ADGRG2: variants seen among roughly 807,000 people sequenced by gnomAD.
ADGRG2 encodes the protein G protein-coupled receptor 64.
A neutral mutation model predicts 74.1 loss-of-function variants in ADGRG2; 26 were observed. The ratio of observed to expected loss-of-function variants is 0.35; its 90% CI spans 0.26 to 0.49. ADGRG2 has a LOEUF of 0.49. ADGRG2 is among the 20% of genes least tolerant of loss of function. The pLI is 0.99. For synonymous variants in ADGRG2, 296 were observed against 295.2 expected, an observed-to-expected ratio of 1.00 and a Z score of -0.03; for missense variants, 619 against 763.1, an observed-to-expected ratio of 0.81 and a Z score of 2.22.
intron 1 of ADGRG2, among the ~76,000 whole-genome samples, chrX:19,118,957 A>G (rs978263542): frequency 8.9e-6 from 1 of 112,058 alleles, no homozygotes; most frequent in Non-Finnish European, 1.9e-5. Context: ...TACAGAATAC[A>G]TAAGTTCTTT....
chrX:19,038,219 C>A lies in ADGRG2; in HGVS notation c.155-583G>T, dbSNP rs139684995. On this transcript the variant is annotated intron_variant, in intron 4 of 28. Transcript: ENST00000379869. ...CTTAAGCTAAGAAGTCAATCTACTA[C>A]ACACATTTTGCATATTTAAATATTT... Among the ~76,000 whole-genome samples the A allele has an allele frequency of 5.9e-3, 668 of 112,639 alleles. 7 individuals are homozygous for A. The highest frequency in any genetic ancestry group is 0.02 in the African/African-American group (626 of 31,093).
At chrX:19,101,102 T>TGTGTGC (rs1491167265) in intron 1 of ADGRG2, among the ~76,000 whole-genome samples, 1 of 37,268 alleles carries the variant, frequency 2.7e-5, no homozygotes, top group African/African-American at 4.7e-4. Context: ...ATCATGAGAT[T>TGTGTGC]GTGTGTGTGT....
chrX:19,064,599 C>T (rs1158053645), intron 3 of ADGRG2, among the ~76,000 whole-genome samples: 2 of 112,451 alleles, frequency 1.8e-5, no homozygotes, highest in Middle Eastern at 4.6e-3. Context: ...TATGAACCAC[C>T]TGGGTGATCC....
chrX:19,114,688 G>A (rs2062479442), intron 1 of ADGRG2, among the ~76,000 whole-genome samples: 1 of 111,463 alleles, frequency 9.0e-6, no homozygotes, highest in Non-Finnish European at 1.9e-5. Context: ...AATGTCTCTT[G>A]ACATTGTCAA....
At chrX:19,007,454 C>A in intron 19 of ADGRG2, 97 bp from the exon 20 acceptor site, 2 of 805,905 alleles carry the variant, frequency 2.5e-6, no homozygotes, top group South Asian at 2.5e-5. Context: ...GTTTATCTTA[C>A]AATATAGGTC....
intron 23 of ADGRG2, 112 bp from the exon 24 acceptor site, chrX:19,003,226 G>A (rs762525251): frequency 5.5e-4 from 286 of 520,511 alleles, no homozygotes; most frequent in Non-Finnish European, 7.7e-4. Context: ...GTGCAGTAGC[G>A]TGATCTCAGG....
intron 20 of ADGRG2, among the ~76,000 whole-genome samples, chrX:19,006,645 G>C (rs895004390): frequency 2.8e-5 from 3 of 105,985 alleles, no homozygotes; most frequent in African/African-American, 1.0e-4. Flanking sequence ...TGTGAACTGA[G>C]CTGAGAATCA....
At chrX:19,120,916 T>C (rs1323702517) in intron 1 of ADGRG2, among the ~76,000 whole-genome samples, 1 of 112,442 alleles carries the variant, frequency 8.9e-6, no homozygotes, top group East Asian at 2.8e-4. Flanking sequence ...TTTCTAAATA[T>C]TGACGTATTT....
At chrX:19,008,870 A>C (rs2060292444) in intron 18 of ADGRG2, among the ~76,000 whole-genome samples, 2 of 111,456 alleles carry the variant, frequency 1.8e-5, no homozygotes, top group African/African-American at 6.5e-5. Flanking sequence ...TAAAGGGAAG[A>C]CTATGAAAAT....
chrX:19,077,542 T>A (rs1021097059), intron 2 of ADGRG2, among the ~76,000 whole-genome samples: 1 of 100,799 alleles, frequency 9.9e-6, no homozygotes, highest in African/African-American at 3.6e-5. Context: ...AGCAGATCAA[T>A]GATTCATGAA....
chrX:19,071,197 T>C (rs1358875818), intron 2 of ADGRG2, among the ~76,000 whole-genome samples: 1 of 111,903 alleles, frequency 8.9e-6, no homozygotes, highest in Non-Finnish European at 1.9e-5. Context: ...GACATGATGA[T>C]GTTTTAGACC....
chrX:18,997,479 T>C (rs760554449), intron 26 of ADGRG2, among the ~76,000 whole-genome samples: 4 of 112,352 alleles, frequency 3.6e-5, no homozygotes, highest in Non-Finnish European at 5.6e-5. Flanking sequence ...ATATGTTTTT[T>C]CTTTTAAAGT....
At chrX:19,051,221 C>T (rs1205084297) in intron 3 of ADGRG2, among the ~76,000 whole-genome samples, 5 of 111,449 alleles carry the variant, frequency 4.5e-5, no homozygotes, top group Non-Finnish European at 7.5e-5. Context: ...ACTACAGGCA[C>T]CCACCACCAC....
At chrX:19,049,579 C>T (rs2061275812) in intron 3 of ADGRG2, among the ~76,000 whole-genome samples, 2 of 109,003 alleles carry the variant, frequency 1.8e-5, no homozygotes, top group African/African-American at 3.4e-5. Flanking sequence ...CACATGTGGC[C>T]CAATACAAAT....
At chrX:18,995,939 C>T in intron 27 of ADGRG2, 112 bp downstream of exon 27, 1 of 451,268 alleles carries the variant, frequency 2.2e-6, no homozygotes, top group Middle Eastern at 3.7e-4. Flanking sequence ...TGAGCAAATT[C>T]CAGATTTGCT....
intron 3 of ADGRG2, among the ~76,000 whole-genome samples, chrX:19,065,592 T>C (rs1367831480): frequency 8.9e-6 from 1 of 112,152 alleles, no homozygotes; most frequent in African/African-American, 3.2e-5. Context: ...GACATATTTC[T>C]AACAAACAGC....
intron 3 of ADGRG2, among the ~76,000 whole-genome samples, chrX:19,055,730 AT>A (rs780575905): frequency 0.011 from 1,047 of 94,663 alleles, 6 homozygotes; most frequent in Non-Finnish European, 0.013. Flanking sequence ...CAGGTGGGAG[AT>A]TTTTTTTTTT....
At chrX:19,068,002 G>A (rs1474677651) in intron 3 of ADGRG2, among the ~76,000 whole-genome samples, 1 of 112,332 alleles carries the variant, frequency 8.9e-6, no homozygotes, top group African/African-American at 3.2e-5. Flanking sequence ...GGAGACACTG[G>A]AATTCTTGTG....
At chrX:19,045,287 G>T (rs749559679) in intron 3 of ADGRG2, among the ~76,000 whole-genome samples, 10 of 59,201 alleles carry the variant, frequency 1.7e-4, no homozygotes, top group Admixed American at 1.2e-3. Flanking sequence ...CAGAAATGGG[G>T]GGTGTTGTTA....
Sources: gnomAD v4.1 joint callset for allele counts (sites outside exome capture counted in the v4.1 genomes callset) on GRCh38, gnomAD v4.1.1 for gene constraint, MANE v1.5 for transcripts, NCBI Gene and HGNC (gene_info 2026-07-23, HGNC 2026-07-21) for gene names.